Variants in TENM2 observed in about 807,000 individuals in gnomAD.
TENM2 encodes teneurin transmembrane protein 2.
Under a neutral mutation model 245.2 loss-of-function variants are expected in TENM2, and 52 were observed. The observed-to-expected ratio is 0.21, with a 90% CI of 0.17 to 0.27. The LOEUF is 0.27. Ranked by LOEUF, TENM2 falls within the 10% of genes least tolerant of loss-of-function variation. The probability of loss-of-function intolerance (pLI) is 1.00; values close to 1 mark genes in which losing one functional copy is unlikely to be tolerated. For missense variants in TENM2, 3,046 were observed against 3,666.8 expected (o/e 0.83, Z 4.37); for synonymous variants, 1,363 against 1,438.9 (o/e 0.95, Z 1.19).
rs1289799534 is a variant in TENM2 at position 167,861,533 on chromosome 5, ATGTC to A, written c.503-14452_503-14449del. 3.3e-5 allele frequency among the ~76,000 whole-genome samples: 5 copies of A among 152,280 alleles called. No homozygotes were observed. In the East Asian group the frequency reaches 9.7e-4, roughly 29 times the overall value. ...CATCTGGGCCCGGGTGCCCGTCCTA[ATGTC>A]AGCCTGCTTGGCATTTACCTTCCTT... On this transcript the variant is annotated intron_variant, in intron 2 of 28. Transcript: ENST00000518659.
At chr5:167,304,433 G>A (rs1051985900) in intron 1 of TENM2, among the ~76,000 whole-genome samples, 6 of 152,170 alleles carry the variant, frequency 3.9e-5, no homozygotes. Flanking sequence ...GGGTTAAGAC[G>A]TTTGGCAGCT....
chr5:167,226,372 T>C, the TENM2 span, among the ~76,000 whole-genome samples: 1 of 151,988 alleles, frequency 6.6e-6, no homozygotes, highest in Non-Finnish European at 1.5e-5. Flanking sequence ...CTGAGAAACT[T>C]TTTGACTTCC....
At chr5:167,085,055 T>C in the TENM2 span, among the ~76,000 whole-genome samples, 2 of 152,122 alleles carry the variant, frequency 1.3e-5, no homozygotes, top group Non-Finnish European at 2.9e-5. Context: ...CTACCTGAAG[T>C]AATAAAGAAA....
At chr5:167,376,584 A>G (rs534030268) in intron 2 of TENM2, among the ~76,000 whole-genome samples, 1 of 152,312 alleles carries the variant, frequency 6.6e-6, no homozygotes, top group South Asian at 2.1e-4. Flanking sequence ...ACTCAAAAAG[A>G]TGTCACTTTT....
intron 12 of TENM2, among the ~76,000 whole-genome samples, chr5:168,162,273 A>G (rs910357602): frequency 9.2e-5 from 14 of 152,192 alleles, no homozygotes; most frequent in Admixed American, 2.0e-4. Flanking sequence ...AGTAGCATCA[A>G]TCCTGAGCTA....
chr5:167,288,569 A>G lies in TENM2; in HGVS notation c.226+3506A>G, dbSNP rs370826282. On this transcript the variant is annotated intron_variant, in intron 1 of 28. Transcript: ENST00000518659. ...GCGAGACTCCGTCTCAAAAAAAAAA[A>G]AAAAAGAAAAAGAAAAGAATAATGG... is the stretch of plus-strand genomic sequence containing the variant. Among the ~76,000 whole-genome samples the G allele has an allele frequency of 3.7e-3, 561 of 152,094 alleles. 2 individuals carry two copies. The highest frequency in any genetic ancestry group is 0.012 in the African/African-American group (505 of 41,500).
At chr5:167,124,350 T>G in the TENM2 span, among the ~76,000 whole-genome samples, 15 of 152,212 alleles carry the variant, frequency 9.9e-5, no homozygotes, top group Admixed American at 6.5e-4. Flanking sequence ...TTTGTTGGTG[T>G]TGTTTTATTT....
intron 2 of TENM2, among the ~76,000 whole-genome samples, chr5:167,613,115 C>G (rs569442991): frequency 8.3e-4 from 127 of 152,218 alleles, no homozygotes; most frequent in Non-Finnish European, 1.3e-3. Context: ...AGAGCATGAT[C>G]CATAGAACAT....
intron 2 of TENM2, among the ~76,000 whole-genome samples, chr5:167,789,216 T>A (rs1764782442): frequency 1.3e-5 from 2 of 152,194 alleles, no homozygotes; most frequent in African/African-American, 4.8e-5. Flanking sequence ...AAATCCATAT[T>A]TTTCTTTTCC....
chr5:167,925,143 A>G (rs1027440644), intron 3 of TENM2, among the ~76,000 whole-genome samples: 1 of 152,220 alleles, frequency 6.6e-6, no homozygotes, highest in Non-Finnish European at 1.5e-5. Context: ...CCACATGTGA[A>G]TGAATGAACA....
intron 1 of TENM2, among the ~76,000 whole-genome samples, chr5:167,335,100 A>T: frequency 6.6e-6 from 1 of 152,232 alleles, no homozygotes; most frequent in East Asian, 1.9e-4. Context: ...TAAGTGGCTC[A>T]TGGTTCTGTA....
At chr5:167,288,194 T>G (rs2127714724) in intron 1 of TENM2, among the ~76,000 whole-genome samples, 1 of 152,352 alleles carries the variant, frequency 6.6e-6, no homozygotes, top group East Asian at 1.9e-4. Context: ...CTCTGCATTC[T>G]GTGTTTCATC....
In TENM2 at chr5:168,218,346, T is replaced by C. The variant is rs1763378286; in HGVS notation, c.4455T>C (p.Thr1485=). 1 of 1,613,894 alleles carries C rather than the reference T, an allele frequency of 6.2e-7. No homozygotes were observed. The highest frequency in any genetic ancestry group is 1.1e-5 in the South Asian group (1 of 91,080). Reference sequence around the variant, plus strand: ...CCAGTGCCATTGCCATTTCTCACACTGGGGTCCTCTACATCACTGAGACAG... The same window carrying C: ...CCAGTGCCATTGCCATTTCTCACACCGGGGTCCTCTACATCACTGAGACAG... Residue 1485 remains threonine (T), a synonymous_variant, in exon 23 of 29, where the codon ACT becomes ACC. Coordinates refer to ENST00000518659, the Ensembl canonical transcript of TENM2. This position sits in a 1 kb window ranked among gnomAD's most constrained non-coding sequence, Gnocchi z 5.2.
chr5:167,948,072 A>C (rs1473578126), intron 3 of TENM2, among the ~76,000 whole-genome samples: 1 of 152,150 alleles, frequency 6.6e-6, no homozygotes, highest in African/African-American at 2.4e-5. Context: ...GATTATTAAC[A>C]ATTTCTTCCT....
intron 5 of TENM2, among the ~76,000 whole-genome samples, chr5:168,011,442 C>T (rs187216377): frequency 2.2e-4 from 34 of 152,312 alleles, no homozygotes; most frequent in Middle Eastern, 6.8e-3. Context: ...TTTTTCAATG[C>T]ACAGGACAGC....
At chr5:167,718,605 G>A (rs1561702660) in intron 2 of TENM2, among the ~76,000 whole-genome samples, 1 of 152,186 alleles carries the variant, frequency 6.6e-6, no homozygotes, top group Non-Finnish European at 1.5e-5. Flanking sequence ...CAGGTTAAGT[G>A]AGTCTTGATA....
chr5:167,498,337 G>T (rs1768948774), intron 2 of TENM2, among the ~76,000 whole-genome samples: 1 of 152,076 alleles, frequency 6.6e-6, no homozygotes, highest in African/African-American at 2.4e-5. Flanking sequence ...TTGGAGACCT[G>T]TCTAGTGAAT....
chr5:167,703,013 C>T (rs1261222774), intron 2 of TENM2, among the ~76,000 whole-genome samples: 1 of 152,192 alleles, frequency 6.6e-6, no homozygotes, highest in African/African-American at 2.4e-5. Context: ...ACCTCTCTCC[C>T]TCTGTCTCCC....
chr5:167,378,323 G>T (rs1425529268), intron 2 of TENM2, among the ~76,000 whole-genome samples: 1 of 151,244 alleles, frequency 6.6e-6, no homozygotes, highest in African/African-American at 2.4e-5. Context: ...TGACCCATTG[G>T]ATAACTTGAC....
Sources: allele counts gnomAD v4.1 joint callset (sites outside exome capture counted in the v4.1 genomes callset), GRCh38; gene constraint gnomAD v4.1.1; non-coding constraint Gnocchi (gnomAD v3.1); transcripts MANE v1.5; gene names NCBI Gene and HGNC (gene_info 2026-07-23, HGNC 2026-07-21).